ERC1: variants seen among roughly 807,000 people sequenced by gnomAD.
ERC1 encodes the protein RAB6 interacting protein 2.
A neutral mutation model predicts 132.0 loss-of-function variants in ERC1; 56 were observed. That is an observed-to-expected ratio of 0.42 (90% CI 0.34 to 0.53). The LOEUF is 0.53. ERC1 is among the 20% of genes least tolerant of loss of function. The pLI is 0.03. For synonymous variants in ERC1, 478 were observed against 476.1 expected, an observed-to-expected ratio of 1.00 and a Z score of -0.05; for missense variants, 1,202 against 1,349.9, an observed-to-expected ratio of 0.89 and a Z score of 1.72.
chr12:1,054,355 T>G (rs1260378839), intron 2 of ERC1, among the ~76,000 whole-genome samples: 2 of 152,170 alleles, frequency 1.3e-5, no homozygotes, highest in Non-Finnish European at 2.9e-5. Flanking sequence ...TTGCCCTTGT[T>G]TAGGAACTGT....
chr12:1,489,280 C>T (rs2094291027), intron 18 of ERC1, among the ~76,000 whole-genome samples: 1 of 152,220 alleles, frequency 6.6e-6, no homozygotes, highest in African/African-American at 2.4e-5. Flanking sequence ...CTCTAGTCAG[C>T]TCTGAAGATC....
chr12:1,348,692 T>TA (rs79204701), intron 15 of ERC1, among the ~76,000 whole-genome samples: 8,723 of 139,004 alleles, frequency 0.063, 403 homozygotes, highest in African/African-American at 0.14. Context: ...AGACTCCATC[T>TA]AAAAAAAAAA....
chr12:1,491,152 T>G lies in ERC1; in HGVS notation c.*922T>G, dbSNP rs115867115. The G allele has an allele frequency of 3.3e-3, 765 of 232,258 alleles. 4 individuals carry two copies. The highest frequency in any genetic ancestry group is 0.015 in the African/African-American group (668 of 45,410). 14.4% of individuals were successfully genotyped at this position (232,258 alleles called of 1,614,324 possible). ...GTCCCCGCCTGCAGCTTTGCCCCAG[T>G]AACAGATGCCCGTTGCTCTTGGGCT... is the stretch of plus-strand genomic sequence containing the variant. On this transcript the variant is annotated 3_prime_UTR_variant, in exon 19 of 19. Transcript: ENST00000360905.
Position 1,388,128 on chromosome 12 carries a change from G to A in ERC1, c.2925+16151G>A, listed in dbSNP as rs543880833. Among the ~76,000 whole-genome samples the A allele has an allele frequency of 5.3e-5, 8 of 152,176 alleles. No individual in the cohort carries two copies. In the East Asian group the frequency reaches 1.5e-3, roughly 29 times the overall value. ...TGTAATCCCAGCACTTTGGGAGGCCGAGGCGGGCGGATCAGGAGGTCAGAA... is the reference window on the plus strand; with the variant it reads ...TGTAATCCCAGCACTTTGGGAGGCCAAGGCGGGCGGATCAGGAGGTCAGAA... On this transcript the variant is annotated intron_variant, in intron 16 of 18. Transcript: ENST00000360905.
chr12:1,312,327 A>G (rs1009838916), intron 15 of ERC1, among the ~76,000 whole-genome samples: 2 of 152,162 alleles, frequency 1.3e-5, no homozygotes, highest in African/African-American at 4.8e-5. Flanking sequence ...TAACCCACTG[A>G]TGGCACCTCT....
At chr12:1,238,101 T>C (rs1184105823) in intron 13 of ERC1, among the ~76,000 whole-genome samples, 7 of 152,024 alleles carry the variant, frequency 4.6e-5, no homozygotes, top group Non-Finnish European at 8.8e-5. Flanking sequence ...TGCCCGTTTT[T>C]CCTCATCCTT....
chr12:1,144,931 A>G (rs1950212056), intron 8 of ERC1, among the ~76,000 whole-genome samples: 2 of 151,634 alleles, frequency 1.3e-5, no homozygotes, highest in African/African-American at 4.9e-5. Flanking sequence ...TTCCCTTTTC[A>G]CCACATCCAT....
At chr12:1,026,294 C>G (rs1258387030) in intron 1 of ERC1, among the ~76,000 whole-genome samples, 1 of 152,116 alleles carries the variant, frequency 6.6e-6, no homozygotes, top group Non-Finnish European at 1.5e-5. Flanking sequence ...GGAAACTGCG[C>G]CCATGATTCA....
At chr12:1,126,771 T>G (rs57733458) in intron 7 of ERC1, among the ~76,000 whole-genome samples, 3,055 of 151,880 alleles carry the variant, frequency 0.02, 113 homozygotes, top group African/African-American at 0.069. Context: ...GGGCGGATCA[T>G]GAGGTCAAGA....
At chr12:1,092,292 C>G (rs552866643) in intron 3 of ERC1, among the ~76,000 whole-genome samples, 1 of 152,324 alleles carries the variant, frequency 6.6e-6, no homozygotes, top group Admixed American at 6.5e-5. Flanking sequence ...CCACCGCGCC[C>G]GGCCCACATT....
chr12:1,246,162 C>A (rs896339180), intron 13 of ERC1, among the ~76,000 whole-genome samples: 2 of 152,120 alleles, frequency 1.3e-5, no homozygotes, highest in Admixed American at 6.5e-5. Flanking sequence ...TATGCATATA[C>A]ATGTCCAAAA....
chr12:1,010,577 C>T (rs1242321073), intron 1 of ERC1, among the ~76,000 whole-genome samples: 1 of 145,060 alleles, frequency 6.9e-6, no homozygotes, highest in East Asian at 2.1e-4. Context: ...ATGGCATGAT[C>T]TCATCTCACT....
intron 8 of ERC1, among the ~76,000 whole-genome samples, chr12:1,147,264 C>T (rs1950465270): frequency 6.6e-6 from 1 of 152,104 alleles, no homozygotes. Context: ...GTGGCTTTGT[C>T]ATAGATGGCT....
At chr12:1,271,261 G>A (rs989508502) in intron 14 of ERC1, among the ~76,000 whole-genome samples, 3 of 152,142 alleles carry the variant, frequency 2.0e-5, no homozygotes, top group Non-Finnish European at 4.4e-5. Flanking sequence ...GGCAGATCAG[G>A]CAATAGCTGA....
At chr12:1,262,741 C>G (rs984135514) in intron 13 of ERC1, among the ~76,000 whole-genome samples, 15 of 152,168 alleles carry the variant, frequency 9.9e-5, no homozygotes, top group African/African-American at 3.1e-4. Flanking sequence ...TAATCAAGCC[C>G]TTGCCACCTC....
At chr12:1,293,124 A>G (rs111943378) in intron 15 of ERC1, among the ~76,000 whole-genome samples, 5 of 144,332 alleles carry the variant, frequency 3.5e-5, no homozygotes, top group African/African-American at 1.3e-4. Context: ...AGCCTGGGTG[A>G]CAGAGCAAGA....
At chr12:1,049,025 A>G (rs930970986) in intron 2 of ERC1, among the ~76,000 whole-genome samples, 2 of 152,254 alleles carry the variant, frequency 1.3e-5, no homozygotes, top group Admixed American at 1.3e-4. Context: ...CTTGAAAATT[A>G]TAAGTATCTG....
intron 2 of ERC1, among the ~76,000 whole-genome samples, chr12:1,070,875 G>C (rs61918737): frequency 0.23 from 34,543 of 152,022 alleles, 4,343 homozygotes; most frequent in Middle Eastern, 0.28. Context: ...TCCCTGCCCC[G>C]CAGCACAGGT....
At chr12:1,207,910 A>G (rs1957487076) in intron 12 of ERC1, among the ~76,000 whole-genome samples, 1 of 152,106 alleles carries the variant, frequency 6.6e-6, no homozygotes, top group South Asian at 2.1e-4. Flanking sequence ...TTTCATATAA[A>G]CCACAAATCA....
Sources: allele counts gnomAD v4.1 joint callset (sites outside exome capture counted in the v4.1 genomes callset), GRCh38; gene constraint gnomAD v4.1.1; transcripts MANE v1.5; gene names NCBI Gene and HGNC (gene_info 2026-07-23, HGNC 2026-07-21).